POM121C: variants seen among roughly 807,000 people sequenced by gnomAD.
POM121C encodes the protein nuclear envelope pore membrane protein POM 121C.
In POM121C, 20 loss-of-function variants were observed where a neutral mutation model predicts 66.4. The ratio of observed to expected loss-of-function variants is 0.30; its 90% CI spans 0.21 to 0.44. The LOEUF (loss-of-function observed/expected upper bound fraction) is 0.44, where lower values mean the gene tolerates loss of function less well. POM121C is among the 20% of genes least tolerant of loss of function. The pLI is 1.00. For synonymous variants in POM121C, 286 were observed against 528.0 expected (o/e 0.54, Z 6.28); for missense variants, 580 against 1,225.7 (o/e 0.47, Z 7.87).
In POM121C at chr7:75,483,111, T is replaced by TTC. The variant is rs1161832461; in HGVS notation, c.-458+2752_-458+2753insGA. 3.3e-5 allele frequency among the ~76,000 whole-genome samples: 5 copies of TTC among 152,226 alleles called. No homozygotes were observed. In the East Asian group the frequency reaches 7.7e-4, roughly 24 times the overall value. On this transcript the variant is annotated intron_variant, in intron 1 of 14. Coordinates refer to ENST00000615331, the MANE Select transcript of POM121C (RefSeq NM_001099415.3). ...CTAGGACTCAACAGTAAAAACAGAATTGTTTACTTGGATCACGATATTTCC... is the reference window on the plus strand; with the variant it reads ...CTAGGACTCAACAGTAAAAACAGAATTCTGTTTACTTGGATCACGATATTTCC...
In POM121C at chr7:75,416,990, C is replaced by T. The variant is rs1463123290; in HGVS notation, c.*1806G>A. On this transcript the variant is annotated 3_prime_UTR_variant, in exon 15 of 15. Coordinates refer to ENST00000615331, the MANE Select transcript of POM121C (RefSeq NM_001099415.3). ...GTTCCCGGACCGGCTGTCCTGCCTG[C>T]GGAACTGAGGTAAACAAGCTCAGGT... The T allele has an allele frequency of 1.8e-4, 236 of 1,318,114 alleles. No homozygotes were observed. Among genetic ancestry groups the T allele is most frequent in the East Asian group, 2.2e-4 (7 of 31,818 alleles). The allele number at this position is 1,318,114 out of a possible 1,614,324, so 81.7% of individuals were successfully genotyped here.
In POM121C at chr7:75,459,659, GAAGAAA is replaced by G. The variant is rs1294238792; in HGVS notation, c.-152+15039_-152+15044del. On this transcript the variant is annotated intron_variant, in intron 3 of 14. Transcript: ENST00000615331. The stretch of plus-strand genomic sequence containing the variant: ...AAAAATCCAGAGAGATTTTTTTTCA[GAAGAAA>G]AAGTATAAAAATTAAATTAAAAAAG... Among the ~76,000 whole-genome samples, 98 of 138,462 alleles carry G rather than the reference GAAGAAA, an allele frequency of 7.1e-4. 2 individuals are homozygous for G. Among genetic ancestry groups the G allele is most frequent in the African/African-American group, 2.4e-3 (91 of 37,606 alleles). 90.8% of individuals were successfully genotyped at this position (138,462 alleles called of 152,430 possible).
intron 5 of POM121C, among the ~76,000 whole-genome samples, chr7:75,440,101 G>A (rs1233372083): frequency 8.6e-5 from 13 of 151,480 alleles, no homozygotes; most frequent in Admixed American, 2.6e-4. Flanking sequence ...GGCTGGTCTC[G>A]AACTCCTGAC....
At chr7:75,456,789 T>C (rs1394929127) in intron 3 of POM121C, among the ~76,000 whole-genome samples, 2 of 152,238 alleles carry the variant, frequency 1.3e-5, no homozygotes, top group African/African-American at 2.4e-5. Context: ...TCCAGTTCCA[T>C]AGGAGATGGA....
At chr7:75,453,079 C>T (rs1358683675) in intron 3 of POM121C, among the ~76,000 whole-genome samples, 1 of 152,142 alleles carries the variant, frequency 6.6e-6, no homozygotes, top group African/African-American at 2.4e-5. Flanking sequence ...CACAAACTCA[C>T]TATTGACGGT....
At chr7:75,472,228 G>A (rs1336601191) in intron 3 of POM121C, among the ~76,000 whole-genome samples, 1 of 151,698 alleles carries the variant, frequency 6.6e-6, no homozygotes, top group African/African-American at 2.4e-5. Context: ...TTAAATGAAG[G>A]GGGCTGGGTG....
At chr7:75,442,783 A>G (rs1355456960) in intron 3 of POM121C, 15 of 1,277,758 alleles carry the variant, frequency 1.2e-5, no homozygotes, top group Non-Finnish European at 1.5e-5. Flanking sequence ...GCGTCGCGTC[A>G]TCGCGCGCCC....
At chr7:75,478,041 A>T (rs1191182357) in intron 1 of POM121C, among the ~76,000 whole-genome samples, 11 of 152,102 alleles carry the variant, frequency 7.2e-5, no homozygotes, top group Non-Finnish European at 1.3e-4. Flanking sequence ...ATCTTGGCTC[A>T]CTGCAACCTC....
At chr7:75,428,793 AAC>A (rs1790058730) in intron 7 of POM121C, among the ~76,000 whole-genome samples, 1 of 152,170 alleles carries the variant, frequency 6.6e-6, no homozygotes, top group Admixed American at 6.5e-5. Flanking sequence ...CAGTGTGGCC[AAC>A]ATGGTGAAAC....
chr7:75,463,449 C>CTTTT (rs1191010098), intron 3 of POM121C, among the ~76,000 whole-genome samples: 7 of 120,772 alleles, frequency 5.8e-5, no homozygotes, highest in African/African-American at 1.8e-4. Context: ...CTGGGTTTTT[C>CTTTT]TTTTTTTTTT....
chr7:75,443,303 G>A (rs1193632264), intron 3 of POM121C, among the ~76,000 whole-genome samples: 1 of 152,144 alleles, frequency 6.6e-6, no homozygotes, highest in East Asian at 1.9e-4. Flanking sequence ...GGGTTTGGGG[G>A]TGGGGAATAG....
Position 75,418,374 on chromosome 7 carries a change from T to C in POM121C, c.*422A>G. 4 of 995,916 alleles carry C rather than the reference T, an allele frequency of 4.0e-6. No homozygotes were observed. The highest frequency in any genetic ancestry group is 3.6e-6 in the Non-Finnish European group (3 of 836,706). 61.7% of individuals were successfully genotyped at this position (995,916 alleles called of 1,614,324 possible). On this transcript the variant is annotated 3_prime_UTR_variant, in exon 15 of 15. Coordinates refer to ENST00000615331, the MANE Select transcript of POM121C (RefSeq NM_001099415.3). ...GCCAAGCAAGATAAAGCTTTAGGGA[T>C]AACCCATTTCCCAAATCCCATCAGG...
Position 75,416,847 on chromosome 7 carries a change from A to C in POM121C, c.*1949T>G. 6.9e-7 allele frequency: 1 copy of C among 1,449,924 alleles called. No homozygotes were observed. The highest frequency in any genetic ancestry group is 9.1e-7 in the Non-Finnish European group (1 of 1,103,314). 89.8% of individuals were successfully genotyped at this position (1,449,924 alleles called of 1,614,324 possible). On this transcript the variant is annotated 3_prime_UTR_variant, in exon 15 of 15. Coordinates refer to ENST00000615331, the MANE Select transcript of POM121C (RefSeq NM_001099415.3). ...AGCAGGAGAAAAATCTCACATTCAT[A>C]CTAAAAATTCCAACTAGACTCAACA...
chr7:75,419,755 C>T (rs181942754), intron 13 of POM121C: 5,424 of 346,244 alleles, frequency 0.016, 77 homozygotes, highest in Non-Finnish European at 0.022. Context: ...CGCCTCCTAG[C>T]GTACCTGGGT....
At chr7:75,432,910 A>C (rs1554472539) in intron 7 of POM121C, among the ~76,000 whole-genome samples, 1 of 152,166 alleles carries the variant, frequency 6.6e-6, no homozygotes, top group Non-Finnish European at 1.5e-5. Flanking sequence ...CAGGAAAGGT[A>C]ATATTTGCAC....
intron 3 of POM121C, among the ~76,000 whole-genome samples, chr7:75,465,028 CTTG>C (rs1288512926): frequency 1.4e-5 from 2 of 147,648 alleles, no homozygotes; most frequent in African/African-American, 5.0e-5. Flanking sequence ...GAGTTTCACT[CTTG>C]TTGTCTAAGC....
At chr7:75,450,778 A>G (rs1289375322) in intron 3 of POM121C, among the ~76,000 whole-genome samples, 1 of 152,254 alleles carries the variant, frequency 6.6e-6, no homozygotes, top group Non-Finnish European at 1.5e-5. Context: ...TACATAGCAA[A>G]TAAAATGAGA....
chr7:75,434,894 G>A (rs1284609605), intron 7 of POM121C, among the ~76,000 whole-genome samples: 1 of 152,054 alleles, frequency 6.6e-6, no homozygotes, highest in Non-Finnish European at 1.5e-5. Flanking sequence ...TTTTTTACCT[G>A]TCAAATTGGT....
At chr7:75,450,245 TAG>T (rs587661986) in intron 3 of POM121C, among the ~76,000 whole-genome samples, 1,359 of 146,582 alleles carry the variant, frequency 9.3e-3, no homozygotes, top group African/African-American at 0.035. Context: ...AGCAAACTAA[TAG>T]AGACTTCCTA....
Sources: allele counts gnomAD v4.1 joint callset (sites outside exome capture counted in the v4.1 genomes callset), GRCh38; gene constraint gnomAD v4.1.1; transcripts MANE v1.5; gene names NCBI Gene and HGNC (gene_info 2026-07-23, HGNC 2026-07-21).